The following PLGRKT variants were observed in gnomAD, a reference collection of about 807,000 sequenced individuals.
PLGRKT encodes plasminogen receptor with a C-terminal lysine.
PLGRKT carries 22 observed loss-of-function variants against 18.5 expected under a neutral mutation model. The observed-to-expected ratio is 1.19, with a 90% CI of 0.85 to 1.70. PLGRKT has a LOEUF of 1.70. Among genes scored for constraint, PLGRKT ranks in the 40% most tolerant of loss-of-function variants. PLGRKT has a pLI of 0.00. For missense variants in PLGRKT, 235 were observed against 174.4 expected (o/e 1.35, Z -1.96); for synonymous variants, 72 against 52.8 (o/e 1.36, Z -1.58).
intron 3 of PLGRKT, among the ~76,000 whole-genome samples, chr9:5,393,613 T>G (rs751164658): frequency 6.6e-6 from 1 of 151,884 alleles, no homozygotes; most frequent in Non-Finnish European, 1.5e-5. Flanking sequence ...TTTTTTTTCT[T>G]AACCATTGGT....
chr9:5,366,664 G>C (rs769491963), intron 3 of PLGRKT, among the ~76,000 whole-genome samples: 15 of 152,088 alleles, frequency 9.9e-5, no homozygotes, highest in Non-Finnish European at 2.1e-4. Context: ...GAAAAAGCTA[G>C]AAGCATTCCC....
intron 3 of PLGRKT, among the ~76,000 whole-genome samples, chr9:5,399,103 A>T (rs1818106159): frequency 6.6e-6 from 1 of 151,544 alleles, no homozygotes; most frequent in African/African-American, 2.4e-5. Flanking sequence ...ACCACTCCCC[A>T]GTACCCCCAA....
chr9:5,386,741 T>C (rs899522062), intron 3 of PLGRKT, among the ~76,000 whole-genome samples: 1 of 151,870 alleles, frequency 6.6e-6, no homozygotes, highest in Non-Finnish European at 1.5e-5. Context: ...TGCTACCTGC[T>C]GTTAGTCATC....
intron 3 of PLGRKT, among the ~76,000 whole-genome samples, chr9:5,393,479 A>G (rs1312181483): frequency 6.6e-6 from 1 of 151,956 alleles, no homozygotes; most frequent in Non-Finnish European, 1.5e-5. Flanking sequence ...ATTTCTTGTT[A>G]CTATACCTTT....
chr9:5,418,633 T>C lies in PLGRKT; in HGVS notation c.81+13264A>G, dbSNP rs1818511247. On this transcript the variant is annotated intron_variant, in intron 3 of 5. Coordinates refer to ENST00000223864, the MANE Select transcript of PLGRKT (RefSeq NM_018465.4). This position sits in a 1 kb window ranked among gnomAD's most constrained non-coding sequence, Gnocchi z 4.2. The stretch of plus-strand genomic sequence containing the variant: ...CCTGGGCAGCAGGTGGCGGCTCATA[T>C]CTCCGGGCAGCAGCGCGTGCTCCTT... The C allele has an allele frequency of 1.4e-6, 1 of 705,428 alleles. No individual in the cohort carries two copies. The allele number at this position is 705,428 out of a possible 1,614,324, so 43.7% of individuals were successfully genotyped here. A position where few individuals can be genotyped will look rare whatever the true frequency, so the allele number is the denominator to read the frequency against.
In PLGRKT at chr9:5,418,864, A is replaced by G. The variant is rs1586739169; in HGVS notation, c.81+13033T>C. 2 of 1,040,036 alleles carry G rather than the reference A, an allele frequency of 1.9e-6. No individual in the cohort carries two copies. The highest frequency in any genetic ancestry group is 3.0e-6 in the Non-Finnish European group (2 of 669,484). The allele number at this position is 1,040,036 out of a possible 1,614,324, so 64.4% of individuals were successfully genotyped here. A position where few individuals can be genotyped will look rare whatever the true frequency, so the allele number is the denominator to read the frequency against. On this transcript the variant is annotated intron_variant, in intron 3 of 5. Transcript: ENST00000223864. This position sits in a 1 kb window ranked among gnomAD's most constrained non-coding sequence, Gnocchi z 4.2. The stretch of plus-strand genomic sequence containing the variant: ...CTTCTGGCTGGTCCTCGTCTGCTGG[A>G]GGCAAACTGAACAGCAGGTGTGCTT...
chr9:5,407,707 C>G (rs16923145), intron 3 of PLGRKT, among the ~76,000 whole-genome samples: 10,543 of 151,654 alleles, frequency 0.07, 470 homozygotes, highest in South Asian at 0.16. Context: ...AAAGTGATAA[C>G]TCAAGAACAG....
chr9:5,424,695 CACAG>C (rs1563790094), intron 3 of PLGRKT, among the ~76,000 whole-genome samples: 2 of 116,726 alleles, frequency 1.7e-5, no homozygotes, highest in African/African-American at 4.4e-5. Flanking sequence ...TATATATACA[CACAG>C]GGGGGGGAGA....
rs1258350093 is a variant in PLGRKT at position 5,425,417 on chromosome 9, C to A, written c.81+6480G>T. On this transcript the variant is annotated intron_variant, in intron 3 of 5. Coordinates refer to ENST00000223864, the MANE Select transcript of PLGRKT (RefSeq NM_018465.4). ...AAAGTCGTAAGTTAAAAAAAGAAAACCTTTTGATTTGAGGCCTTTCATAAA... is the reference window on the plus strand; with the variant it reads ...AAAGTCGTAAGTTAAAAAAAGAAAAACTTTTGATTTGAGGCCTTTCATAAA... Among the ~76,000 whole-genome samples the A allele has an allele frequency of 6.6e-5, 10 of 152,206 alleles. No individual in the cohort carries two copies. In the East Asian group the frequency reaches 1.9e-3, roughly 29 times the overall value.
In PLGRKT at chr9:5,400,713, C is replaced by T. The variant is rs1177390974; in HGVS notation, c.81+31184G>A. Among the ~76,000 whole-genome samples, 3 of 151,964 alleles carry T rather than the reference C, an allele frequency of 2.0e-5. No homozygotes were observed. In the East Asian group the frequency reaches 5.8e-4, roughly 29 times the overall value. ...ATCTTTATATCCTCCTTGAATAGTA[C>T]AGAGGCTGGCATATTGTTATTGTTT... is the stretch of plus-strand genomic sequence containing the variant. On this transcript the variant is annotated intron_variant, in intron 3 of 5. Coordinates refer to ENST00000223864, the MANE Select transcript of PLGRKT (RefSeq NM_018465.4).
chr9:5,421,073 T>C (rs1818567030), intron 3 of PLGRKT, among the ~76,000 whole-genome samples: 1 of 152,192 alleles, frequency 6.6e-6, no homozygotes, highest in South Asian at 2.1e-4. Context: ...GCTTCCCACG[T>C]CACTCAGAAT....
At position 5,431,974 on chromosome 9, in the gene PLGRKT, C is replaced by T. The variant is rs555731210; in HGVS notation, c.4G>A (p.Gly2Arg). ...TTCATAGATTTTGAAAATATAAACC[C>T]CATTTTGACCTAAAATGTAAAAAAA... is the stretch of plus-strand genomic sequence containing the variant. MGFIFSKSMNES... is the reference protein window; with the variant it reads MRFIFSKSMNES... The change falls in exon 3 of 6, where the codon GGG becomes AGG. Residue 2 changes from glycine (G) to arginine (R), a missense_variant. By Grantham distance (125) the Gly-to-Arg change is moderately radical. Transcript: ENST00000223864. The T allele has an allele frequency of 1.1e-5, 16 of 1,441,340 alleles. No individual in the cohort carries two copies. In the South Asian group the frequency reaches 1.5e-4, roughly 13 times the overall value. The allele number at this position is 1,441,340 out of a possible 1,614,324, so 89.3% of individuals were successfully genotyped here.
intron 3 of PLGRKT, among the ~76,000 whole-genome samples, chr9:5,422,801 T>A (rs1476720325): frequency 6.6e-6 from 1 of 152,092 alleles, no homozygotes; most frequent in Non-Finnish European, 1.5e-5. Flanking sequence ...GAAGATGGAA[T>A]AGAAGAAAAA....
rs191374394 is a variant in PLGRKT at position 5,387,155 on chromosome 9, C to G, written c.82-25267G>C. Among the ~76,000 whole-genome samples, 27 of 151,930 alleles carry G rather than the reference C, an allele frequency of 1.8e-4. No homozygotes were observed. In the East Asian group the frequency reaches 4.6e-3, roughly 26 times the overall value. On this transcript the variant is annotated intron_variant, in intron 3 of 5. Coordinates refer to ENST00000223864, the MANE Select transcript of PLGRKT (RefSeq NM_018465.4). ...CTTCTAAGGAGCTCCAATGTCAATGCTTTTAGAAAATGGACCATATTAGAG... is the reference window on the plus strand; with the variant it reads ...CTTCTAAGGAGCTCCAATGTCAATGGTTTTAGAAAATGGACCATATTAGAG...
Position 5,436,647 on chromosome 9 carries a change from A to C in PLGRKT, c.-85T>G, listed in dbSNP as rs1370102233. ...AGGACGCTCCCAGGTGGAAGGGTTAAAGGTGGAAGCCAAGCAGGAAGAAGA... is the reference window on the plus strand; with the variant it reads ...AGGACGCTCCCAGGTGGAAGGGTTACAGGTGGAAGCCAAGCAGGAAGAAGA... On this transcript the variant is annotated 5_prime_UTR_variant, in exon 2 of 6. Coordinates refer to ENST00000223864, the MANE Select transcript of PLGRKT (RefSeq NM_018465.4). 6.6e-6 allele frequency: 1 copy of C among 152,256 alleles called. No homozygotes were observed. Among genetic ancestry groups the C allele is most frequent in the Non-Finnish European group, 1.5e-5 (1 of 68,054 alleles). The allele number at this position is 152,256 out of a possible 1,614,324, so 9.4% of individuals were successfully genotyped here. A position where few individuals can be genotyped will look rare whatever the true frequency, so the allele number is the denominator to read the frequency against.
intron 3 of PLGRKT, chr9:5,419,091 C>T (rs778630703): frequency 4.1e-5 from 10 of 243,260 alleles, no homozygotes; most frequent in Non-Finnish European, 7.4e-5. Context: ...ACATCCAGCA[C>T]TCACAGGTGT....
chr9:5,437,210 C>T (rs1421344292), intron 1 of PLGRKT, among the ~76,000 whole-genome samples: 1 of 152,150 alleles, frequency 6.6e-6, no homozygotes, highest in Non-Finnish European at 1.5e-5. Context: ...AACCTTTCTT[C>T]CGGTCACCCG....
rs552639900 is a variant in PLGRKT, at chr9:5,377,494, T to A, written c.82-15606A>T. On this transcript the variant is annotated intron_variant, in intron 3 of 5. Transcript: ENST00000223864. ...TGTATTTATCTATATAAAAATAAGC[T>A]AACAATATTTTTTAAAAGAATATCT... 1.2e-4 allele frequency among the ~76,000 whole-genome samples: 18 copies of A among 152,288 alleles called. No homozygotes were observed. The East Asian group carries it at 1.5e-3, about 13-fold the overall frequency.
At position 5,391,404 on chromosome 9, in the gene PLGRKT, A is replaced by G. The variant is rs141647387; in HGVS notation, c.82-29516T>C. ...TACTAATTTCACCTAGATTATCGCA[A>G]TATTTCTCTTGAGGATAGCATACTT... On this transcript the variant is annotated intron_variant, in intron 3 of 5. Coordinates refer to ENST00000223864, the MANE Select transcript of PLGRKT (RefSeq NM_018465.4). 7.2e-4 allele frequency among the ~76,000 whole-genome samples: 109 copies of G among 152,076 alleles called. 2 individuals carry two copies. Among genetic ancestry groups the G allele is most frequent in the African/African-American group, 2.5e-3 (103 of 41,330 alleles).
Sources: allele counts gnomAD v4.1 joint callset (sites outside exome capture counted in the v4.1 genomes callset), GRCh38; gene constraint gnomAD v4.1.1; non-coding constraint Gnocchi (gnomAD v3.1); transcripts MANE v1.5; gene names NCBI Gene and HGNC (gene_info 2026-07-23, HGNC 2026-07-21).